CCNF: variants seen among roughly 807,000 people sequenced by gnomAD.
CCNF encodes the protein cyclin-F.
Under a neutral mutation model 85.4 loss-of-function variants are expected in CCNF, and 30 were observed. The observed-to-expected ratio is 0.35, with a 90% CI of 0.26 to 0.48. The LOEUF is 0.48. Ranked by LOEUF, CCNF falls within the 20% of genes least tolerant of loss-of-function variation. The pLI, the probability that CCNF is intolerant of heterozygous loss-of-function variation, is 0.99. For missense variants in CCNF, 919 were observed against 1,010.4 expected, an observed-to-expected ratio of 0.91 and a Z score of 1.23; for synonymous variants, 439 against 425.1, an observed-to-expected ratio of 1.03 and a Z score of -0.40.
intron 7 of CCNF, 116 bp from the exon 8 acceptor site, chr16:2,439,633 C>T (rs2141819152): frequency 1.0e-6 from 1 of 998,066 alleles, no homozygotes; most frequent in African/African-American, 1.6e-5. Context: ...AAAATGACTC[C>T]ACCATTTGAG....
intron 10 of CCNF, among the ~76,000 whole-genome samples, chr16:2,446,778 C>T (rs1210848503): frequency 1.3e-5 from 2 of 152,206 alleles, no homozygotes; most frequent in East Asian, 1.9e-4. Context: ...AGAGGAGCCC[C>T]ATCTCCCATC....
intron 3 of CCNF, among the ~76,000 whole-genome samples, chr16:2,434,860 C>T (rs1436956499): frequency 6.6e-6 from 1 of 152,216 alleles, no homozygotes; most frequent in Non-Finnish European, 1.5e-5. Context: ...TCATGCAACA[C>T]GTGGTCTTTC....
chr16:2,430,387 G>A (rs990529077), intron 1 of CCNF, among the ~76,000 whole-genome samples: 1 of 152,162 alleles, frequency 6.6e-6, no homozygotes, highest in African/African-American at 2.4e-5. Flanking sequence ...TGGAAAATCC[G>A]GCTGTGGGAA....
rs1421921758 is a variant in CCNF, at chr16:2,455,499, G to A, written c.1820G>A (p.Trp607Ter). Residue 607 changes from tryptophan (W) to a stop codon, truncating the protein, a stop_gained, in exon 16 of 17, where the codon TGG becomes TAG. Coordinates refer to ENST00000397066, the MANE Select transcript of CCNF (RefSeq NM_001761.3). LOFTEE classifies it high-confidence loss of function. ...ACGCTGCTGGGCAGCTTCCTCGACT[G>A]GAGCCTGGACTGCTGCTCTGGCTAT... ...EETLLGSFLDWSLDCCSGYEG... is the reference protein window; with the variant it reads ...EETLLGSFLD 1 of 1,607,492 alleles carries A rather than the reference G, an allele frequency of 6.2e-7. No homozygotes were observed. Among genetic ancestry groups the A allele is most frequent in the Non-Finnish European group, 8.5e-7 (1 of 1,174,840 alleles).
chr16:2,445,265 G>A, intron 9 of CCNF, 193 bp from the exon 10 acceptor site: 2 of 616,356 alleles, frequency 3.2e-6, no homozygotes, highest in South Asian at 1.9e-5. Flanking sequence ...TGTGGGGCCT[G>A]CTTTGGGGCT....
chr16:2,448,842 C>T lies in CCNF; in HGVS notation c.1095-13C>T. ...AGTGGGCTCCACCCTGAGACCCCTT[C>T]TCGGCGTTGCAGGTTTATCAGTAAA... On this transcript the variant is annotated splice_polypyrimidine_tract_variant and intron_variant, in intron 10 of 16. Transcript: ENST00000397066. The T allele has an allele frequency of 6.2e-7, 1 of 1,613,148 alleles. No individual in the cohort carries two copies. The highest frequency in any genetic ancestry group is 8.5e-7 in the Non-Finnish European group (1 of 1,179,252).
chr16:2,439,909 G>A (rs1019041811), intron 8 of CCNF, 83 bp downstream of exon 8: 2 of 1,202,254 alleles, frequency 1.7e-6, no homozygotes, highest in Non-Finnish European at 2.4e-6. Context: ...CTCCCACATT[G>A]GGGGGCAGGA....
Position 2,431,260 on chromosome 16 carries a change from A to T in CCNF, c.147A>T (p.Val49=). ...VLFHILKWLS[V]EDILAVRAVH... Reference sequence around the variant, plus strand: ...TTCACATCCTGAAATGGCTTTCTGTAGAGGACATCCTGGCCGTCCGAGCTG... The same window carrying T: ...TTCACATCCTGAAATGGCTTTCTGTTGAGGACATCCTGGCCGTCCGAGCTG... The change falls in exon 2 of 17, where the codon GTA becomes GTT. Residue 49 remains valine, a synonymous_variant. Coordinates refer to ENST00000397066, the MANE Select transcript of CCNF (RefSeq NM_001761.3). 1 of 1,614,114 alleles carries T rather than the reference A, an allele frequency of 6.2e-7. No individual in the cohort carries two copies. The highest frequency in any genetic ancestry group is 1.6e-4 in the Middle Eastern group (1 of 6,062).
At chr16:2,430,928 C>A in intron 1 of CCNF, 1 of 738,514 alleles carries the variant, frequency 1.4e-6, no homozygotes, top group Non-Finnish European at 2.4e-6. Flanking sequence ...AATGAATGAT[C>A]TCTTCTGTAA....
chr16:2,439,060 G>T (rs1234921140), intron 6 of CCNF, among the ~76,000 whole-genome samples: 1 of 152,080 alleles, frequency 6.6e-6, no homozygotes, highest in African/African-American at 2.4e-5. Context: ...CACTTTGGGA[G>T]ACTGAGGTGG....
rs1230657770 is a variant in CCNF, at chr16:2,435,602, T to G, written c.279-204T>G. On this transcript the variant is annotated intron_variant, in intron 3 of 16. Coordinates refer to ENST00000397066, the MANE Select transcript of CCNF (RefSeq NM_001761.3). ...CCTGTCTCAGAGAGAGAGAGATATA[T>G]ATATATATATGCACACACACACACA... 2.2e-3 allele frequency among the ~76,000 whole-genome samples: 313 copies of G among 145,472 alleles called. 3 individuals carry two copies. Among genetic ancestry groups the G allele is most frequent in the African/African-American group, 6.8e-3 (267 of 39,108 alleles).
At position 2,449,381 on chromosome 16, in the gene CCNF, C is replaced by T. The variant is rs777630156; in HGVS notation, c.1318C>T (p.Leu440=). The T allele has an allele frequency of 4.3e-6, 7 of 1,612,876 alleles. No individual in the cohort carries two copies. Among genetic ancestry groups the T allele is most frequent in the Non-Finnish European group, 5.9e-6 (7 of 1,179,980 alleles). ...CAGCTTCCTCTGCGAGCTCTCCCTG[C>T]TGCACACCAGCCTGTCCGCCTACGC... ...LCSFLCELSL[L]HTSLSAYAPA... Residue 440 remains leucine, a synonymous_variant, in exon 12 of 17, where the codon CTG becomes TTG. Coordinates refer to ENST00000397066, the MANE Select transcript of CCNF (RefSeq NM_001761.3).
chr16:2,457,111 G>A lies in CCNF; in HGVS notation c.*91G>A, dbSNP rs2065433828. The A allele has an allele frequency of 3.1e-6, 3 of 952,492 alleles. No individual in the cohort carries two copies. The South Asian group carries it at 5.3e-5, about 17-fold the overall frequency. The allele number at this position is 952,492 out of a possible 1,614,324, so 59.0% of individuals were successfully genotyped here. ...AGCATAGGAACGCTGCATAGACCAT[G>A]GAGGCCTTTGCGCAGAGAGCAGAGA... On this transcript the variant is annotated 3_prime_UTR_variant, in exon 17 of 17. Transcript: ENST00000397066.
At chr16:2,445,301 C>G (rs1476349193) in intron 9 of CCNF, 157 bp from the exon 10 acceptor site, 1 of 806,642 alleles carries the variant, frequency 1.2e-6, no homozygotes, top group Non-Finnish European at 2.0e-6. Context: ...TCCCGGGCTT[C>G]CTGTGACATG....
At chr16:2,445,374 G>T (rs749877657) in intron 9 of CCNF, 84 bp from the exon 10 acceptor site, 1 of 1,462,232 alleles carries the variant, frequency 6.8e-7, no homozygotes, top group African/African-American at 1.4e-5. Flanking sequence ...TTATTTGGTC[G>T]GGCCCAACAG....
chr16:2,442,434 T>TA (rs1289407143), intron 8 of CCNF, among the ~76,000 whole-genome samples: 378 of 6,820 alleles, frequency 0.055, 52 homozygotes, highest in African/African-American at 0.26. Flanking sequence ...AATATTATTA[T>TA]ATATAATATA....
At chr16:2,450,563 G>C (rs1036924995) in intron 13 of CCNF, among the ~76,000 whole-genome samples, 1 of 150,636 alleles carries the variant, frequency 6.6e-6, no homozygotes, top group African/African-American at 2.4e-5. Context: ...TTTTCACATT[G>C]AGAGCAGCTG....
In CCNF at chr16:2,433,042, C is replaced by G. The variant is rs1378748901; in HGVS notation, c.253C>G (p.Pro85Ala). 6.2e-7 allele frequency: 1 copy of G among 1,610,328 alleles called. No homozygotes were observed. Among genetic ancestry groups the G allele is most frequent in the African/African-American group, 1.3e-5 (1 of 74,994 alleles). ...CAGCTTCCAGGAGCTGTGGCCGTCT[C>G]CAGGGAACCTGAAGCTCTTTGAAAG... ...CASFQELWPS[P>A]GNLKLFERAA... Residue 85 changes from proline to alanine, a missense_variant, in exon 3 of 17, where the codon CCA (proline) becomes GCA (alanine). By Grantham distance (27) the Pro-to-Ala change is conservative. Coordinates refer to ENST00000397066, the MANE Select transcript of CCNF (RefSeq NM_001761.3).
chr16:2,453,450 C>A lies in CCNF; in HGVS notation c.1628C>A (p.Thr543Lys). The A allele has an allele frequency of 6.2e-7, 1 of 1,614,074 alleles. No individual in the cohort carries two copies. Among genetic ancestry groups the A allele is most frequent in the Non-Finnish European group, 8.5e-7 (1 of 1,179,992 alleles). ...CAGTTGTGTGCTGCATTAGGAGTGA[C>A]ACAAGACAGCCCCGACCCCCCGACT... ...YSQLCAALGV[T>K]QDSPDPPTFL... The change falls in exon 15 of 17, where the codon ACA becomes AAA. Residue 543 changes from threonine to lysine, a missense_variant. Thr to Lys is a moderately conservative substitution (Grantham distance 78). Around this residue, in one of 3 missense-constraint regions of CCNF, gnomAD observed 505 missense variants for 514.8 expected, o/e 0.98. Coordinates refer to ENST00000397066, the MANE Select transcript of CCNF (RefSeq NM_001761.3). This position sits in a 1 kb window ranked among gnomAD's most constrained non-coding sequence, Gnocchi z 5.6.
Sources: gnomAD v4.1 joint callset for allele counts (sites outside exome capture counted in the v4.1 genomes callset) on GRCh38, gnomAD v4.1.1 for gene constraint, gnomAD v4.1.1 regional missense constraint, Gnocchi (gnomAD v3.1) non-coding constraint, MANE v1.5 for transcripts, NCBI Gene and HGNC (gene_info 2026-07-23, HGNC 2026-07-21) for gene names.